The following DAB1 variants were observed in gnomAD, a reference collection of about 807,000 sequenced individuals.
The protein encoded by DAB1 is disabled homolog 1.
A neutral mutation model predicts 64.6 loss-of-function variants in DAB1; 15 were observed. The ratio of observed to expected loss-of-function variants is 0.23; its 90% CI spans 0.16 to 0.36. The LOEUF (loss-of-function observed/expected upper bound fraction) is 0.36. Among genes scored for constraint, DAB1 ranks in the 10% least tolerant of loss-of-function variants. The pLI is 1.00. For synonymous variants in DAB1, 235 were observed against 251.9 expected (o/e 0.93, Z 0.64); for missense variants, 596 against 706.7 (o/e 0.84, Z 1.78).
chr1:58,166,299 G>A (rs1195868924), intron 4 of DAB1, among the ~76,000 whole-genome samples: 3 of 152,264 alleles, frequency 2.0e-5, no homozygotes, highest in Admixed American at 2.0e-4. Context: ...AAAGATGCCT[G>A]TGTCTGTTTG....
intron 6 of DAB1, among the ~76,000 whole-genome samples, chr1:57,717,924 T>G (rs543414117): frequency 7.5e-6 from 1 of 132,632 alleles, no homozygotes; most frequent in East Asian, 2.3e-4. Flanking sequence ...CTTAAAAAGT[T>G]AATTTTATAG....
chr1:57,439,418 G>GTTTTTTTTTTTTTTTTTTTTTTGTTT, intron 7 of DAB1, among the ~76,000 whole-genome samples: 16 of 116,154 alleles, frequency 1.4e-4, no homozygotes, highest in South Asian at 3.2e-4. Context: ...TGGTGATGAG[G>GTTTTTTTTTTTTTTTTTTTTTTGTTT]TTTTTTCTTT....
chr1:57,804,857 C>T (rs1009215828), intron 6 of DAB1, among the ~76,000 whole-genome samples: 5 of 152,080 alleles, frequency 3.3e-5, no homozygotes, highest in South Asian at 2.1e-4. Flanking sequence ...ATTTCTCACC[C>T]GAGGAAACTT....
rs7355077 is a variant in DAB1 at position 58,442,326 on chromosome 1, C to T, written n.257+63734G>A. The stretch of plus-strand genomic sequence containing the variant: ...TGCTCATTCATGCACATGCTGGCCC[C>T]GCTCCAAAACCTCCAGAATGCTAGT... On this transcript the variant is annotated intron_variant and non_coding_transcript_variant, in intron 3 of 20. Transcript: ENST00000485760. Among the ~76,000 whole-genome samples, 1,476 of 152,212 alleles carry T rather than the reference C, an allele frequency of 9.7e-3. 23 individuals are homozygous for T. Among genetic ancestry groups the T allele is most frequent in the African/African-American group, 0.034 (1,395 of 41,514 alleles).
At chr1:58,164,598 T>G (rs958631000) in intron 4 of DAB1, among the ~76,000 whole-genome samples, 2 of 152,190 alleles carry the variant, frequency 1.3e-5, no homozygotes, top group Admixed American at 1.3e-4. Flanking sequence ...AAATGTAGCA[T>G]GCCAATGAAG....
Position 57,010,717 on chromosome 1 carries a change from ATAT to A in DAB1, c.1643_1645del (p.Asn548del), listed in dbSNP as rs747682626. 2 of 1,590,644 alleles carry A rather than the reference ATAT, an allele frequency of 1.3e-6. No individual in the cohort carries two copies. On this transcript the variant is annotated inframe_deletion, in exon 14 of 15. Coordinates refer to ENST00000371236, the MANE Select transcript of DAB1 (RefSeq NM_001365792.1). ...TATCTAGCTACCGGCCTGTGGACTT[ATAT>A]TATCACCACTGGGCTCCCCACTGGG... is the stretch of plus-strand genomic sequence containing the variant.
At chr1:57,862,255 A>T (rs562222554) in intron 1 of DAB1, among the ~76,000 whole-genome samples, 1 of 152,308 alleles carries the variant, frequency 6.6e-6, no homozygotes, top group South Asian at 2.1e-4. Flanking sequence ...CACATTGGTA[A>T]ATTGAGGAAA....
chr1:57,921,127 A>G (rs1489122664), intron 5 of DAB1, among the ~76,000 whole-genome samples: 2 of 152,210 alleles, frequency 1.3e-5, no homozygotes, highest in Non-Finnish European at 2.9e-5. Context: ...AGGAAAATGA[A>G]GTATTTCTAT....
chr1:57,513,283 C>T (rs1040562774), intron 7 of DAB1, among the ~76,000 whole-genome samples: 2 of 152,080 alleles, frequency 1.3e-5, no homozygotes, highest in South Asian at 2.1e-4. Flanking sequence ...CCTGACAAGC[C>T]CTTCCCCTAG....
intron 2 of DAB1, among the ~76,000 whole-genome samples, chr1:57,281,856 G>A (rs1259011874): frequency 6.6e-6 from 1 of 152,036 alleles, no homozygotes; most frequent in Non-Finnish European, 1.5e-5. Flanking sequence ...AAGCTCACAT[G>A]AATTGATAAT....
intron 4 of DAB1, among the ~76,000 whole-genome samples, chr1:58,151,603 G>T (rs1406962432): frequency 2.6e-5 from 4 of 152,140 alleles, no homozygotes; most frequent in Non-Finnish European, 5.9e-5. Context: ...TGCATAGAAG[G>T]CTATCTTAAC....
intron 6 of DAB1, among the ~76,000 whole-genome samples, chr1:57,770,729 C>T (rs577231636): frequency 4.0e-5 from 6 of 151,890 alleles, no homozygotes; most frequent in African/African-American, 1.2e-4. Context: ...GTAATTAATT[C>T]GTTCAGAGAT....
At chr1:57,035,698 G>T (rs1228310369) in intron 9 of DAB1, among the ~76,000 whole-genome samples, 1 of 152,078 alleles carries the variant, frequency 6.6e-6, no homozygotes, top group Non-Finnish European at 1.5e-5. Flanking sequence ...TGACATCATG[G>T]CAAGTTTATT....
chr1:58,459,999 C>T (rs1262690523), intron 3 of DAB1, among the ~76,000 whole-genome samples: 1 of 152,150 alleles, frequency 6.6e-6, no homozygotes, highest in East Asian at 1.9e-4. Context: ...AGAAGAAAAT[C>T]ACAAAGTCCA....
At chr1:57,831,047 G>A (rs1434664404) in intron 1 of DAB1, among the ~76,000 whole-genome samples, 1 of 152,134 alleles carries the variant, frequency 6.6e-6, no homozygotes, top group Non-Finnish European at 1.5e-5. Context: ...CCGAGCAGCT[G>A]AGACTACAGG....
chr1:57,669,466 C>T (rs1317348170), intron 6 of DAB1, among the ~76,000 whole-genome samples: 3 of 152,068 alleles, frequency 2.0e-5, no homozygotes, highest in Non-Finnish European at 2.9e-5. Flanking sequence ...GGACATGGCC[C>T]CCCTGCCCGC....
At chr1:57,792,076 C>T (rs1312775154) in intron 6 of DAB1, among the ~76,000 whole-genome samples, 1 of 152,168 alleles carries the variant, frequency 6.6e-6, no homozygotes, top group East Asian at 1.9e-4. Flanking sequence ...GTCTCTGAGG[C>T]CCTGACAACC....
intron 4 of DAB1, among the ~76,000 whole-genome samples, chr1:58,328,247 C>T (rs997124033): frequency 2.6e-5 from 4 of 152,234 alleles, no homozygotes; most frequent in Non-Finnish European, 4.4e-5. Context: ...GAGAACCTAA[C>T]CTGCCATCGC....
intron 4 of DAB1, among the ~76,000 whole-genome samples, chr1:57,116,461 C>CAAAAAAAAAAAAAAA (rs61590002): frequency 1.3e-4 from 9 of 71,960 alleles, no homozygotes; most frequent in Admixed American, 1.8e-4. Context: ...GACTCTGTCT[C>CAAAAAAAAAAAAAAA]AAAAAAAAAA....
Sources: gnomAD v4.1 joint callset for allele counts (sites outside exome capture counted in the v4.1 genomes callset) on GRCh38, gnomAD v4.1.1 for gene constraint, MANE v1.5 for transcripts, NCBI Gene and HGNC (gene_info 2026-07-23, HGNC 2026-07-21) for gene names.